The following STPG2 variants were observed in gnomAD, a reference collection of about 807,000 sequenced individuals.
STPG2 encodes the protein sperm-tail PG-rich repeat-containing protein 2.
STPG2 carries 56 observed loss-of-function variants against 54.2 expected under a neutral mutation model. The ratio of observed to expected loss-of-function variants is 1.03; its 90% CI spans 0.83 to 1.29. STPG2 has a LOEUF of 1.29. Among genes scored for constraint, STPG2 ranks in the 50% most tolerant of loss-of-function variants. The pLI, the probability that STPG2 is intolerant of heterozygous loss-of-function variation, is 0.00. For synonymous variants in STPG2, 200 were observed against 181.8 expected, an observed-to-expected ratio of 1.10 and a Z score of -0.81; for missense variants, 596 against 544.9, an observed-to-expected ratio of 1.09 and a Z score of -0.93.
intron 9 of STPG2, among the ~76,000 whole-genome samples, chr4:97,791,396 A>G (rs1028378187): frequency 3.3e-5 from 5 of 152,182 alleles, no homozygotes; most frequent in Non-Finnish European, 7.4e-5. Flanking sequence ...GAGTATGACT[A>G]TAATCTGTAC....
rs146085831 is a variant in STPG2, at chr4:97,792,118, CTTAAACA to C, written c.1204+48648_1204+48654del. Among the ~76,000 whole-genome samples the C allele has an allele frequency of 6.9e-3, 1,043 of 152,218 alleles. 5 individuals carry two copies. The highest frequency in any genetic ancestry group is 9.2e-3 in the African/African-American group (382 of 41,540). On this transcript the variant is annotated intron_variant, in intron 9 of 10. Transcript: ENST00000295268. ...ATGACTCTTTAAAGTGCTAAGAAAACTTAAACATTAAATAGAGTGATAAAGCCAGCAA... is the reference window on the plus strand; with the variant it reads ...ATGACTCTTTAAAGTGCTAAGAAAACTTAAATAGAGTGATAAAGCCAGCAA...
chr4:97,453,874 C>G (rs1160103196), intron 4 of STPG2, among the ~76,000 whole-genome samples: 1 of 152,034 alleles, frequency 6.6e-6, no homozygotes, highest in African/African-American at 2.4e-5. Context: ...AAAGGAGACA[C>G]TAGGATGTCT....
intron 5 of STPG2, among the ~76,000 whole-genome samples, chr4:97,985,431 A>C (rs1010939047): frequency 8.5e-5 from 13 of 152,212 alleles, no homozygotes; most frequent in Non-Finnish European, 1.6e-4. Context: ...TTGTGTATTT[A>C]AAATTAATAA....
chr4:97,600,850 T>A (rs1001536506), intron 10 of STPG2, among the ~76,000 whole-genome samples: 1 of 152,114 alleles, frequency 6.6e-6, no homozygotes, highest in Non-Finnish European at 1.5e-5. Context: ...GCACAGCTAA[T>A]CTGAATTTCC....
chr4:97,966,838 T>G (rs1419845248), intron 7 of STPG2, among the ~76,000 whole-genome samples: 1 of 150,972 alleles, frequency 6.6e-6, no homozygotes, highest in Non-Finnish European at 1.5e-5. Flanking sequence ...TACAAGAGCC[T>G]TATAAGAGCT....
intron 5 of STPG2, among the ~76,000 whole-genome samples, chr4:98,062,402 T>G (rs1331450207): frequency 6.6e-6 from 1 of 152,048 alleles, no homozygotes; most frequent in Admixed American, 6.6e-5. Flanking sequence ...CCCCATGACA[T>G]GTTTACCGAT....
chr4:98,005,772 A>G (rs1349503819), intron 5 of STPG2, among the ~76,000 whole-genome samples: 2 of 152,188 alleles, frequency 1.3e-5, no homozygotes, highest in Non-Finnish European at 2.9e-5. Context: ...TTGACTTGAT[A>G]GTATATTGTT....
At chr4:97,778,424 C>A (rs1726459784) in intron 9 of STPG2, among the ~76,000 whole-genome samples, 1 of 152,090 alleles carries the variant, frequency 6.6e-6, no homozygotes, top group African/African-American at 2.4e-5. Flanking sequence ...AGTAGGTAAA[C>A]AGCAGCCAGG....
intron 9 of STPG2, among the ~76,000 whole-genome samples, chr4:97,775,289 T>A (rs2149065706): frequency 6.6e-6 from 1 of 152,290 alleles, no homozygotes; most frequent in South Asian, 2.1e-4. Context: ...AAACAGAGGC[T>A]ACACGTGCAC....
chr4:98,086,758 TTAAAG>T (rs1434806303), intron 5 of STPG2, among the ~76,000 whole-genome samples: 1 of 152,020 alleles, frequency 6.6e-6, no homozygotes, highest in Non-Finnish European at 1.5e-5. Context: ...CTGGTTTTGT[TTAAAG>T]TATAGTGCAT....
intron 9 of STPG2, among the ~76,000 whole-genome samples, chr4:97,732,836 G>T (rs1399449938): frequency 6.6e-6 from 1 of 152,054 alleles, no homozygotes; most frequent in East Asian, 1.9e-4. Flanking sequence ...ATGAAAAAAT[G>T]CTAAAACCAC....
chr4:97,811,228 C>A (rs1394839854), intron 9 of STPG2, among the ~76,000 whole-genome samples: 1 of 151,830 alleles, frequency 6.6e-6, no homozygotes, highest in Non-Finnish European at 1.5e-5. Context: ...GAGACAAATA[C>A]TGAAAATGCA....
chr4:97,667,841 A>T (rs1230729170), intron 10 of STPG2, among the ~76,000 whole-genome samples: 1 of 152,168 alleles, frequency 6.6e-6, no homozygotes, highest in Non-Finnish European at 1.5e-5. Context: ...CTAATTCATT[A>T]ATTACTTAAT....
chr4:98,060,811 T>C (rs1263830077), intron 5 of STPG2, among the ~76,000 whole-genome samples: 2 of 152,134 alleles, frequency 1.3e-5, no homozygotes, highest in Non-Finnish European at 2.9e-5. Context: ...AAACAAGCAA[T>C]GGGGAAAAGA....
At chr4:97,574,490 A>G (rs1732673320) in intron 10 of STPG2, among the ~76,000 whole-genome samples, 1 of 152,104 alleles carries the variant, frequency 6.6e-6, no homozygotes. Flanking sequence ...CTTAATGATA[A>G]TAAACTGAGG....
chr4:97,764,666 G>T (rs1320773591), intron 9 of STPG2, among the ~76,000 whole-genome samples: 1 of 152,084 alleles, frequency 6.6e-6, no homozygotes, highest in African/African-American at 2.4e-5. Context: ...GTAATTAAAA[G>T]TATATATATG....
chr4:97,726,696 T>G (rs1724633959), intron 9 of STPG2, among the ~76,000 whole-genome samples: 1 of 151,900 alleles, frequency 6.6e-6, no homozygotes, highest in Non-Finnish European at 1.5e-5. Flanking sequence ...ATTTTTAAAT[T>G]TTGTTTCTGG....
chr4:98,093,226 AG>A (rs1220996380), intron 5 of STPG2, among the ~76,000 whole-genome samples: 12 of 152,200 alleles, frequency 7.9e-5, no homozygotes, highest in African/African-American at 2.9e-4. Flanking sequence ...TCATTGCCAA[AG>A]GCAAGACATT....
intron 8 of STPG2, among the ~76,000 whole-genome samples, chr4:97,867,316 A>G (rs1729828263): frequency 6.6e-6 from 1 of 151,904 alleles, no homozygotes; most frequent in Non-Finnish European, 1.5e-5. Context: ...TTGGAACTAG[A>G]TTCAGCACCA....
Sources: gnomAD v4.1 joint callset for allele counts (sites outside exome capture counted in the v4.1 genomes callset) on GRCh38, gnomAD v4.1.1 for gene constraint, MANE v1.5 for transcripts, NCBI Gene and HGNC (gene_info 2026-07-23, HGNC 2026-07-21) for gene names.